Variants in CEP120 observed in about 807,000 individuals in gnomAD.
CEP120 encodes the protein centrosomal protein of 120 kDa.
CEP120 carries 113 observed loss-of-function variants against 126.5 expected under a neutral mutation model. The observed-to-expected ratio is 0.89, with a 90% CI of 0.77 to 1.04. The LOEUF is 1.04. Among genes scored for constraint, CEP120 ranks in the 50% least tolerant of loss-of-function variants. The pLI is 0.00. For synonymous variants in CEP120, 400 were observed against 394.3 expected (o/e 1.01, Z -0.17); for missense variants, 1,230 against 1,155.7 (o/e 1.06, Z -0.93).
At position 123,344,968 on chromosome 5, in the gene CEP120, C is replaced by T. The variant is rs904095071; in HGVS notation, c.*1551G>A. ...ACAAAAGGCAAAATAAACTACACAT[C>T]CATTTTAGAAAAGTCCTTTTTATTT... On this transcript the variant is annotated 3_prime_UTR_variant, in exon 20 of 20. Coordinates refer to ENST00000306467, the MANE Select transcript of CEP120 (RefSeq NM_001375405.1). 6.6e-6 allele frequency: 1 copy of T among 152,164 alleles called. No homozygotes were observed. Among genetic ancestry groups the T allele is most frequent in the African/African-American group, 2.4e-5 (1 of 41,432 alleles). 9.4% of individuals were successfully genotyped at this position (152,164 alleles called of 1,614,324 possible).
chr5:123,407,153 A>G (rs1773747416), intron 4 of CEP120, among the ~76,000 whole-genome samples: 1 of 151,840 alleles, frequency 6.6e-6, no homozygotes, highest in Admixed American at 6.6e-5. Flanking sequence ...ATATGCAAGA[A>G]AGAGAAAATT....
At chr5:123,349,601 G>GA (rs200149612) in intron 19 of CEP120, among the ~76,000 whole-genome samples, 16 of 151,028 alleles carry the variant, frequency 1.1e-4, no homozygotes, top group Admixed American at 7.9e-4. Context: ...GTATTCACAG[G>GA]AAAAAAAAAG....
rs1774848754 is a variant in CEP120, at chr5:123,423,326, A to AGCGGCCGCCGCC, written c.-340_-329dup. ...GCTTTTCAAACGCCCGGGCGGCCGC[A>AGCGGCCGCCGCC]GCGGCCGCCGCCGCGCCCAGCTTCC... On this transcript the variant is annotated 5_prime_UTR_variant, in exon 1 of 20. Transcript: ENST00000306467. 2.9e-6 allele frequency: 1 copy of AGCGGCCGCCGCC among 344,644 alleles called. No homozygotes were observed. Among genetic ancestry groups the AGCGGCCGCCGCC allele is most frequent in the African/African-American group, 2.2e-5 (1 of 45,324 alleles). 21.3% of individuals were successfully genotyped at this position (344,644 alleles called of 1,614,324 possible).
intron 13 of CEP120, among the ~76,000 whole-genome samples, chr5:123,382,502 C>T (rs1771717176): frequency 6.6e-6 from 1 of 152,040 alleles, no homozygotes; most frequent in African/African-American, 2.4e-5. Flanking sequence ...AGAGTAACTT[C>T]CCAATTTTAC....
chr5:123,353,067 T>A (rs1769311861), intron 18 of CEP120, among the ~76,000 whole-genome samples: 1 of 151,958 alleles, frequency 6.6e-6, no homozygotes, highest in Non-Finnish European at 1.5e-5. Flanking sequence ...CAAATAAGGG[T>A]AGTTTTATTT....
At chr5:123,388,162 C>G (rs1772148050) in intron 9 of CEP120, 1 of 203,080 alleles carries the variant, frequency 4.9e-6, no homozygotes, top group African/African-American at 2.3e-5. Flanking sequence ...GTATGTTTAT[C>G]AAAATACATA....
chr5:123,406,225 T>C (rs1420940982), intron 4 of CEP120, among the ~76,000 whole-genome samples: 1 of 148,046 alleles, frequency 6.8e-6, no homozygotes, highest in African/African-American at 2.5e-5. Context: ...AACTGTGAGA[T>C]AACTAAAAAC....
rs1580665248 is a variant in CEP120, at chr5:123,372,534, CTTA to C, written c.2481+113_2481+115del. The C allele has an allele frequency of 6.5e-6, 7 of 1,072,976 alleles. No individual in the cohort carries two copies. In the East Asian group the frequency reaches 1.8e-4, roughly 27 times the overall value. 66.5% of individuals were successfully genotyped at this position (1,072,976 alleles called of 1,614,324 possible). A position where few individuals can be genotyped will look rare whatever the true frequency, so the allele number is the denominator to read the frequency against. ...CGTGCCTTTAATTCTCTAATGCATT[CTTA>C]TTTGACATCAGAACACTACAGCAAA... On this transcript the variant is annotated intron_variant, in intron 17 of 19. Coordinates refer to ENST00000306467, the MANE Select transcript of CEP120 (RefSeq NM_001375405.1).
At chr5:123,346,805 T>C (rs1366061547) in intron 19 of CEP120, 52 bp from the exon 20 acceptor site, 2 of 1,292,176 alleles carry the variant, frequency 1.5e-6, no homozygotes, top group South Asian at 1.6e-5. Flanking sequence ...GTTTTCTTAA[T>C]GTCACTATTT....
At chr5:123,397,714 A>G (rs1239031432) in intron 5 of CEP120, among the ~76,000 whole-genome samples, 1 of 152,232 alleles carries the variant, frequency 6.6e-6, no homozygotes, top group Admixed American at 6.5e-5. Flanking sequence ...GTACCTTGCA[A>G]GTCAAATAAA....
At chr5:123,403,996 TG>T (rs1466163640) in intron 4 of CEP120, among the ~76,000 whole-genome samples, 1 of 152,232 alleles carries the variant, frequency 6.6e-6, no homozygotes, top group Non-Finnish European at 1.5e-5. Flanking sequence ...AATGTATCAA[TG>T]TTTCATTAAT....
chr5:123,370,233 G>A (rs1770756115), intron 17 of CEP120, among the ~76,000 whole-genome samples: 1 of 151,994 alleles, frequency 6.6e-6, no homozygotes, highest in African/African-American at 2.4e-5. Context: ...AGTATTAAAA[G>A]TTCCTAGAGG....
rs149649810 is a variant in CEP120 at position 123,371,754 on chromosome 5, C to T, written c.2481+896G>A. On this transcript the variant is annotated intron_variant, in intron 17 of 19. Transcript: ENST00000306467. ...CTTCCCAACATAGATCCAACTCCCA[C>T]CCACTGGTCTTCCGCTAGTGCCCCC... 3.4e-3 allele frequency among the ~76,000 whole-genome samples: 519 copies of T among 152,174 alleles called. 4 individuals carry two copies. Among genetic ancestry groups the T allele is most frequent in the African/African-American group, 0.012 (489 of 41,552 alleles).
chr5:123,346,253 T>A lies in CEP120; in HGVS notation c.*266A>T. The A allele has an allele frequency of 3.0e-6, 1 of 330,104 alleles. No homozygotes were observed. Among genetic ancestry groups the A allele is most frequent in the Non-Finnish European group, 5.5e-6 (1 of 181,896 alleles). 20.4% of individuals were successfully genotyped at this position (330,104 alleles called of 1,614,324 possible). A position where few individuals can be genotyped will look rare whatever the true frequency, so the allele number is the denominator to read the frequency against. ...CTTAGTTAAAAGCTGTTTTGAAAGT[T>A]AGTTAGCCATCAGATTATAAACTAT... On this transcript the variant is annotated 3_prime_UTR_variant, in exon 20 of 20. Coordinates refer to ENST00000306467, the MANE Select transcript of CEP120 (RefSeq NM_001375405.1).
At chr5:123,405,029 G>C (rs1773546874) in intron 4 of CEP120, among the ~76,000 whole-genome samples, 1 of 152,166 alleles carries the variant, frequency 6.6e-6, no homozygotes, top group Non-Finnish European at 1.5e-5. Context: ...ATAGAGCTTA[G>C]AAATCTTCAG....
intron 8 of CEP120, among the ~76,000 whole-genome samples, chr5:123,389,564 G>A (rs1056969276): frequency 6.7e-6 from 1 of 149,784 alleles, no homozygotes; most frequent in East Asian, 2.0e-4. Flanking sequence ...GCAATGGCGC[G>A]ATCTTGGCTC....
At position 123,418,423 on chromosome 5, in the gene CEP120, C is replaced by A; in HGVS notation, c.142G>T (p.Asp48Tyr). The part of the protein sequence containing the change: ...QLATDPVDHT[D>Y]QPEFATELAW... ...AACTCAGTAGCAAATTCTGGCTGGTCAGTGTGGTCCACAGGATCAGTAGCC... is the reference window on the plus strand; with the variant it reads ...AACTCAGTAGCAAATTCTGGCTGGTAAGTGTGGTCCACAGGATCAGTAGCC... The change falls in exon 2 of 20, where the codon GAC (aspartate) becomes TAC (tyrosine). Residue 48 changes from aspartate to tyrosine, a missense_variant. Physicochemically the swap from Asp to Tyr is radical, Grantham distance 160. Transcript: ENST00000306467. 1 of 1,612,558 alleles carries A rather than the reference C, an allele frequency of 6.2e-7. No homozygotes were observed. Among genetic ancestry groups the A allele is most frequent in the South Asian group, 1.1e-5 (1 of 90,942 alleles).
At chr5:123,409,971 C>CAAAAAAAAAAA in intron 4 of CEP120, among the ~76,000 whole-genome samples, 1 of 67,592 alleles carries the variant, frequency 1.5e-5, no homozygotes, top group East Asian at 4.8e-4. Flanking sequence ...ACAAAACAAG[C>CAAAAAAAAAAA]AAAAAAAAAA....
rs76942218 is a variant in CEP120 at position 123,378,440 on chromosome 5, T to TAAAAA, written c.2104-17_2104-13dup. On this transcript the variant is annotated splice_polypyrimidine_tract_variant and intron_variant, in intron 14 of 19. Transcript: ENST00000306467. Reference sequence around the variant, plus strand: ...GTATATTCAGCCACCTAAAATATAGTAAAAAAAAAAAAAAAAAAGTTACCT... The same window carrying TAAAAA: ...GTATATTCAGCCACCTAAAATATAGTAAAAAAAAAAAAAAAAAAAAAAAGTTACCT... 2 of 1,064,098 alleles carry TAAAAA rather than the reference T, an allele frequency of 1.9e-6. No homozygotes were observed. The highest frequency in any genetic ancestry group is 4.1e-5 in the African/African-American group (2 of 49,366). 65.9% of individuals were successfully genotyped at this position (1,064,098 alleles called of 1,614,324 possible).
Sources: gnomAD v4.1 joint callset for allele counts (sites outside exome capture counted in the v4.1 genomes callset) on GRCh38, gnomAD v4.1.1 for gene constraint, MANE v1.5 for transcripts, NCBI Gene and HGNC (gene_info 2026-07-23, HGNC 2026-07-21) for gene names.